The following MUC6 variants were observed in gnomAD, a reference collection of about 807,000 sequenced individuals.
MUC6 encodes the protein mucin 6, oligomeric mucus/gel-forming (gene/pseudogene), also known as mucin-6.
MUC6 carries 188 observed loss-of-function variants against 201.5 expected under a neutral mutation model. The ratio of observed to expected loss-of-function variants is 0.93; its 90% CI spans 0.83 to 1.05. The LOEUF (loss-of-function observed/expected upper bound fraction) is 1.05. Among genes scored for constraint, MUC6 ranks in the 50% least tolerant of loss-of-function variants. MUC6 has a pLI of 0.00. For missense variants in MUC6, 2,706 were observed against 3,256.9 expected, an observed-to-expected ratio of 0.83 and a Z score of 4.12; for synonymous variants, 1,228 against 1,389.4, an observed-to-expected ratio of 0.88 and a Z score of 2.58.
chr11:1,019,244 A>C lies in MUC6; in HGVS notation c.4030+31T>G. 1.9e-6 allele frequency: 3 copies of C among 1,606,496 alleles called. No individual in the cohort carries two copies. In the East Asian group the frequency reaches 6.7e-5, roughly 36 times the overall value. On this transcript the variant is annotated intron_variant, in intron 30 of 32. Transcript: ENST00000421673. ...GGTGGTGGGACCGGGTGCCTTCGGC[A>C]GTGCTGGCATCCCATGGCGCCATGA...
Position 1,027,780 on chromosome 11 carries a change from A to G in MUC6, c.1886T>C (p.Phe629Ser). The G allele has an allele frequency of 6.2e-7, 1 of 1,611,194 alleles. No homozygotes were observed. Among genetic ancestry groups the G allele is most frequent in the Non-Finnish European group, 8.5e-7 (1 of 1,179,378 alleles). The change falls in exon 16 of 33, where the codon TTT (phenylalanine) becomes TCT (serine). Residue 629 changes from phenylalanine (F) to serine (S), a missense_variant. Transcript: ENST00000421673. Reference protein sequence around the residue: ...VYQACNYEETFPHICAALGDY... With the variant: ...VYQACNYEETSPHICAALGDY... ...GCCCAGGGCGGCACAGATGTGGGGA[A>G]AGGTCTCCTCGTAGTTGCAGGCCTG...
chr11:1,022,806 C>T (rs570547237), intron 26 of MUC6, among the ~76,000 whole-genome samples: 5 of 151,812 alleles, frequency 3.3e-5, no homozygotes, highest in African/African-American at 1.2e-4. Flanking sequence ...TGTGTATGAG[C>T]GAATGTGCAT....
rs1857142769 is a variant in MUC6, at chr11:1,032,909, T to C, written c.115+104A>G. The C allele has an allele frequency of 3.1e-6, 3 of 961,346 alleles. No individual in the cohort carries two copies. The South Asian group carries it at 4.9e-5, about 16-fold the overall frequency. 59.6% of individuals were successfully genotyped at this position (961,346 alleles called of 1,614,324 possible). ...TTCATGTTGGTGCATATATGTGTGT[T>C]GGATGTGTGTGTCTTGGGGGTGACC... On this transcript the variant is annotated intron_variant, in intron 2 of 32. Coordinates refer to ENST00000421673, the MANE Select transcript of MUC6 (RefSeq NM_005961.3).
chr11:1,028,536 C>T, intron 13 of MUC6, 110 bp downstream of exon 13: 1 of 1,538,876 alleles, frequency 6.5e-7, no homozygotes, highest in Non-Finnish European at 8.8e-7. Flanking sequence ...TGGGGGCTCC[C>T]CGGACACAGA....
chr11:1,027,258 G>T lies in MUC6; in HGVS notation c.2231+10C>A. The T allele has an allele frequency of 6.2e-7, 1 of 1,611,984 alleles. No homozygotes were observed. On this transcript the variant is annotated intron_variant, in intron 17 of 32. Transcript: ENST00000421673. Reference sequence around the variant, plus strand: ...GGGACCCCCCGCCTGGCCCCTGCCCGGTCCCTCACCAGGTGATGCCGTTGA... The same window carrying T: ...GGGACCCCCCGCCTGGCCCCTGCCCTGTCCCTCACCAGGTGATGCCGTTGA...
In MUC6 at chr11:1,023,660, G is replaced by A; in HGVS notation, c.3383-8C>T. ...AGAAGCCGCAGTAGATGGCTGGGAG[G>A]AAGGGAGCTGTCAGCTGGTGGGGTT... On this transcript the variant is annotated splice_polypyrimidine_tract_variant and splice_region_variant and intron_variant, in intron 25 of 32. Coordinates refer to ENST00000421673, the MANE Select transcript of MUC6 (RefSeq NM_005961.3). 6.2e-7 allele frequency: 1 copy of A among 1,611,618 alleles called. No individual in the cohort carries two copies. The highest frequency in any genetic ancestry group is 8.5e-7 in the Non-Finnish European group (1 of 1,179,304).
rs747919869 is a variant in MUC6 at position 1,019,455 on chromosome 11, A to T, written c.3850T>A (p.Ser1284Thr). 1.2e-6 allele frequency: 2 copies of T among 1,610,622 alleles called. No homozygotes were observed. Among genetic ancestry groups the T allele is most frequent in the Admixed American group, 1.7e-5 (1 of 59,728 alleles). The change falls in exon 30 of 33, where the codon TCA becomes ACA. Residue 1284 changes from serine (S) to threonine (T), a missense_variant. Around this residue, in one of 10 missense-constraint regions of MUC6, gnomAD observed 1,850 missense variants for 1,958.3 expected, o/e 0.94. Coordinates refer to ENST00000421673, the MANE Select transcript of MUC6 (RefSeq NM_005961.3). ...AGTGTGGCTGTGGGAGGCAGCCCTG[A>T]TGTGGCTTGTGGGGTGACGGCCGTG... ...PTTAVTPQAT[S>T]GLPPTATLRS...
At position 1,018,617 on chromosome 11, in the gene MUC6, G is replaced by A. The variant is rs772837853; in HGVS notation, c.4184C>T (p.Thr1395Ile). ...TGGGGTTTGGGGCGTTGTGTATTCA[G>A]TAGTCGTTCTTGTTTGAGTGGTCTC... ...ATETTQTRTT[T>I]EYTTPQTPHT... The change falls in exon 31 of 33, where the codon ACT becomes ATT. Residue 1395 changes from threonine (T) to isoleucine (I), a missense_variant. Physicochemically the swap from Thr to Ile is moderately conservative, Grantham distance 89 (BLOSUM62 -1). Around this residue, in one of 10 missense-constraint regions of MUC6, gnomAD observed 1,850 missense variants for 1,958.3 expected, o/e 0.94. Transcript: ENST00000421673. 6.2e-7 allele frequency: 1 copy of A among 1,613,596 alleles called. No individual in the cohort carries two copies. The highest frequency in any genetic ancestry group is 8.5e-7 in the Non-Finnish European group (1 of 1,179,730).
chr11:1,031,813 C>T lies in MUC6; in HGVS notation c.356G>A (p.Gly119Glu). Residue 119 changes from glycine to glutamate, a missense_variant and splice_region_variant, in exon 3 of 33, where the codon GGG (glycine) becomes GAG (glutamate). Gly to Glu is a moderately conservative substitution (Grantham distance 98, BLOSUM62 -2). Transcript: ENST00000421673. ...SEAIISVKDI[G>E]VISLPYTSNG... ...CCGGGCCCCGGCCCACCTGACCTAC[C>T]CGATGTCCTTGACTGAGATGATGGC... 2 of 1,600,756 alleles carry T rather than the reference C, an allele frequency of 1.2e-6. No homozygotes were observed. Among genetic ancestry groups the T allele is most frequent in the Non-Finnish European group, 1.7e-6 (2 of 1,174,692 alleles).
intron 15 of MUC6, 53 bp from the exon 16 acceptor site, chr11:1,027,870 A>C: frequency 6.3e-7 from 1 of 1,591,264 alleles, no homozygotes; most frequent in Non-Finnish European, 8.5e-7. Flanking sequence ...CCCTGGGGAC[A>C]TGGGGGTCCC....
intron 25 of MUC6, 59 bp downstream of exon 25, chr11:1,023,888 C>A: frequency 6.3e-7 from 1 of 1,580,862 alleles, no homozygotes. Context: ...CCTGCGCCGG[C>A]CCTTAGTGGC....
intron 1 of MUC6, among the ~76,000 whole-genome samples, chr11:1,035,524 T>C (rs186404397): frequency 9.0e-5 from 12 of 132,892 alleles, no homozygotes; most frequent in African/African-American, 3.7e-4. Context: ...GAGACCCCCA[T>C]ATCTCCTACA....
At chr11:1,024,641 G>C (rs1441287336) in intron 24 of MUC6, among the ~76,000 whole-genome samples, 1 of 152,174 alleles carries the variant, frequency 6.6e-6, no homozygotes, top group African/African-American at 2.4e-5. Flanking sequence ...AGGCCGGGGG[G>C]CTGCTTAACA....
At position 1,018,199 on chromosome 11, in the gene MUC6, A is replaced by T. The variant is rs770533434; in HGVS notation, c.4602T>A (p.His1534Gln). ...SLHSHTSSTH[H>Q]PEVTPTSTTT... The stretch of plus-strand genomic sequence containing the variant: ...TAGTAGAAGTTGGGGTGACTTCAGG[A>T]TGGTGTGTGGAGGAAGTGTGTGAAT... The change falls in exon 31 of 33, where the codon CAT (histidine) becomes CAA (glutamine). Residue 1534 changes from histidine (H) to glutamine (Q), a missense_variant. Physicochemically the swap from His to Gln is conservative, Grantham distance 24. This residue lies in a region of MUC6 where 128 missense variants were observed against 206.5 expected (regional missense o/e 0.62). Coordinates refer to ENST00000421673, the MANE Select transcript of MUC6 (RefSeq NM_005961.3). The T allele has an allele frequency of 2.2e-5, 36 of 1,613,950 alleles. No individual in the cohort carries two copies. The highest frequency in any genetic ancestry group is 3.3e-5 in the Admixed American group (2 of 60,028).
At chr11:1,026,183 C>T (rs1372321311) in intron 20 of MUC6, 42 bp from the exon 21 acceptor site, 1 of 1,564,654 alleles carries the variant, frequency 6.4e-7, no homozygotes, top group African/African-American at 1.4e-5. Context: ...TGCGGCCCTC[C>T]TGCCATACTG....
rs765441734 is a variant in MUC6 at position 1,029,390 on chromosome 11, G to A, written c.1137-24C>T. ...GGCTGTGGGTGGGCGTGGGGGTAGC[G>A]GCATGGTGGGCAGGGCCGCTGGAGC... On this transcript the variant is annotated intron_variant, in intron 9 of 32. Coordinates refer to ENST00000421673, the MANE Select transcript of MUC6 (RefSeq NM_005961.3). 5.6e-6 allele frequency: 9 copies of A among 1,593,308 alleles called. No homozygotes were observed. In the South Asian group the frequency reaches 5.7e-5, roughly 10 times the overall value.
At chr11:1,029,650 A>G in intron 8 of MUC6, 35 bp from the exon 9 acceptor site, 1 of 1,534,974 alleles carries the variant, frequency 6.5e-7, no homozygotes, top group South Asian at 1.3e-5. Context: ...CTTGGGTGGG[A>G]CTGACTGCCT....
chr11:1,024,030 C>T lies in MUC6; in HGVS notation c.3299G>A (p.Cys1100Tyr), dbSNP rs781192488. 5.0e-6 allele frequency: 8 copies of T among 1,611,430 alleles called. No individual in the cohort carries two copies. Among genetic ancestry groups the T allele is most frequent in the Non-Finnish European group, 6.8e-6 (8 of 1,179,344 alleles). Residue 1100 changes from cysteine (C) to tyrosine (Y), a missense_variant, in exon 25 of 33, where the codon TGT (cysteine) becomes TAT (tyrosine). Physicochemically the swap from Cys to Tyr is radical, Grantham distance 194. This residue lies in a region of MUC6 where 1,850 missense variants were observed against 1,958.3 expected (regional missense o/e 0.94). Coordinates refer to ENST00000421673, the MANE Select transcript of MUC6 (RefSeq NM_005961.3). The part of the protein sequence containing the change: ...CGCDSGGDCE[C>Y]LCDAVAAYAQ... ...GTAGGCAGCCACGGCATCGCACAGA[C>T]ACTCACAGTCCCCGCCACTGTCACA...
chr11:1,014,427 T>C (rs1236907379), intron 31 of MUC6, among the ~76,000 whole-genome samples: 11 of 151,892 alleles, frequency 7.2e-5, no homozygotes, highest in Admixed American at 7.2e-4. Flanking sequence ...GAGCGGGACA[T>C]ATGGTGTTGC....
Sources: gnomAD v4.1 joint callset for allele counts (sites outside exome capture counted in the v4.1 genomes callset) on GRCh38, gnomAD v4.1.1 for gene constraint, gnomAD v4.1.1 regional missense constraint, MANE v1.5 for transcripts, NCBI Gene and HGNC (gene_info 2026-07-23, HGNC 2026-07-21) for gene names.